Variants in GABRB3 observed in about 807,000 individuals in gnomAD.
GABRB3 encodes gamma-aminobutyric acid type A receptor subunit beta3.
In GABRB3, 14 loss-of-function variants were observed where a neutral mutation model predicts 52.1. The ratio of observed to expected loss-of-function variants is 0.27; its 90% CI spans 0.18 to 0.42. The LOEUF is 0.42. GABRB3 is among the 10% of genes least tolerant of loss of function. The probability of loss-of-function intolerance (pLI) is 1.00; values close to 1 mark genes in which losing one functional copy is unlikely to be tolerated. For missense variants in GABRB3, 307 were observed against 609.1 expected (o/e 0.50, Z 5.22); for synonymous variants, 260 against 232.3 (o/e 1.12, Z -1.08).
chr15:26,551,995 G>C (rs2093291596), intron 8 of GABRB3, among the ~76,000 whole-genome samples: 1 of 151,832 alleles, frequency 6.6e-6, no homozygotes, highest in Admixed American at 6.6e-5. Context: ...GTCAGACCTT[G>C]GTGAAATTTT....
rs1424458569 is a variant in GABRB3, at chr15:26,554,176, GTATATATATATATACTA to G, written c.1081-6059_1081-6043del. ...TATATATAAAGTATATATATATAAAGTATATATATATATACTATATATATATATATATAGTAGAAACA... is the reference window on the plus strand; with the variant it reads ...TATATATAAAGTATATATATATAAAGTATATATATATATATAGTAGAAACA... On this transcript the variant is annotated intron_variant, in intron 8 of 8. Transcript: ENST00000311550. Among the ~76,000 whole-genome samples the G allele has an allele frequency of 1.5e-4, 4 of 27,344 alleles. 1 individual carries two copies. In the East Asian group the frequency reaches 2.9e-3, roughly 20 times the overall value. 17.9% of individuals were successfully genotyped at this position (27,344 alleles called of 152,430 possible). A position where few individuals can be genotyped will look rare whatever the true frequency, so the allele number is the denominator to read the frequency against.
At chr15:26,696,474 T>G (rs1040430492) in intron 3 of GABRB3, among the ~76,000 whole-genome samples, 7 of 152,194 alleles carry the variant, frequency 4.6e-5, no homozygotes, top group Non-Finnish European at 1.0e-4. Context: ...CTTTGGGACC[T>G]GCAATCTTAC....
intron 8 of GABRB3, among the ~76,000 whole-genome samples, chr15:26,550,348 T>C (rs187920974): frequency 6.6e-6 from 1 of 152,076 alleles, no homozygotes; most frequent in African/African-American, 2.4e-5. Context: ...TGAATAGACA[T>C]GTCTTAAAGG....
At chr15:26,733,683 A>G (rs1001405591) in intron 3 of GABRB3, among the ~76,000 whole-genome samples, 1 of 152,224 alleles carries the variant, frequency 6.6e-6, no homozygotes, top group Non-Finnish European at 1.5e-5. Context: ...ATTTTGAAAA[A>G]GAACAAAGCT....
intron 3 of GABRB3, among the ~76,000 whole-genome samples, chr15:26,684,337 C>G: frequency 6.6e-6 from 1 of 151,996 alleles, no homozygotes; most frequent in African/African-American, 2.4e-5. Flanking sequence ...GGCAGGGACG[C>G]GGAAATGCAG....
chr15:26,701,003 C>T (rs925824861), intron 3 of GABRB3, among the ~76,000 whole-genome samples: 9 of 151,800 alleles, frequency 5.9e-5, no homozygotes, highest in African/African-American at 2.2e-4. Flanking sequence ...TGCAGTGAGC[C>T]GAGATCGCAC....
intron 3 of GABRB3, among the ~76,000 whole-genome samples, chr15:26,692,295 A>G (rs556806573): frequency 6.6e-6 from 1 of 152,222 alleles, no homozygotes; most frequent in East Asian, 1.9e-4. Flanking sequence ...CTTTAACATT[A>G]CAACAGAAAT....
chr15:26,681,397 C>T (rs1003236889), intron 3 of GABRB3, among the ~76,000 whole-genome samples: 2 of 152,262 alleles, frequency 1.3e-5, no homozygotes, highest in Admixed American at 6.5e-5. Flanking sequence ...AAAGGGGATA[C>T]TGTCAGAACC....
rs182971316 is a variant in GABRB3 at position 26,554,207 on chromosome 15, A to T, written c.1081-6073T>A. The stretch of plus-strand genomic sequence containing the variant: ...ATATATATACTATATATATATATAT[A>T]TAGTAGAAACAAGGTCTCTCTTTGT... On this transcript the variant is annotated intron_variant, in intron 8 of 8. Coordinates refer to ENST00000311550, the MANE Select transcript of GABRB3 (RefSeq NM_000814.6). Among the ~76,000 whole-genome samples, 249 of 57,784 alleles carry T rather than the reference A, an allele frequency of 4.3e-3. 21 individuals are homozygous for T. Among genetic ancestry groups the T allele is most frequent in the East Asian group, 0.018 (52 of 2,944 alleles). 37.9% of individuals were successfully genotyped at this position (57,784 alleles called of 152,430 possible).
intron 3 of GABRB3, among the ~76,000 whole-genome samples, chr15:26,685,780 A>T (rs1888383264): frequency 6.6e-6 from 1 of 150,598 alleles, no homozygotes; most frequent in Non-Finnish European, 1.5e-5. Flanking sequence ...TATTGGACTG[A>T]TCTCAGTAGT....
At chr15:26,606,805 T>TATAGATAGATAG (rs59223052) in intron 4 of GABRB3, among the ~76,000 whole-genome samples, 1,240 of 118,036 alleles carry the variant, frequency 0.011, 28 homozygotes, top group African/African-American at 0.031. Flanking sequence ...TAGATATATC[T>TATAGATAGATAG]ATAGATAGAT....
intron 6 of GABRB3, among the ~76,000 whole-genome samples, chr15:26,574,458 T>C (rs1184466225): frequency 6.6e-6 from 1 of 152,210 alleles, no homozygotes. Flanking sequence ...CTAAAACTTA[T>C]ACCTGAATGT....
chr15:26,677,782 G>A (rs1313051580), intron 3 of GABRB3, among the ~76,000 whole-genome samples: 1 of 152,154 alleles, frequency 6.6e-6, no homozygotes, highest in African/African-American at 2.4e-5. Context: ...TTGGGCTCCT[G>A]TTTTGTTCAT....
intron 5 of GABRB3, among the ~76,000 whole-genome samples, chr15:26,581,415 C>A (rs1176708706): frequency 1.3e-5 from 2 of 152,180 alleles, no homozygotes; most frequent in Non-Finnish European, 2.9e-5. Flanking sequence ...CTTCCTGGTC[C>A]TACCTACTCT....
At chr15:26,768,882 G>C (rs1318567978) in intron 3 of GABRB3, among the ~76,000 whole-genome samples, 1 of 152,026 alleles carries the variant, frequency 6.6e-6, no homozygotes, top group East Asian at 1.9e-4. Context: ...CACTATCCAT[G>C]AAGCAAGCTA....
intron 3 of GABRB3, among the ~76,000 whole-genome samples, chr15:26,754,024 A>G (rs907386093): frequency 6.6e-6 from 1 of 152,186 alleles, no homozygotes; most frequent in Non-Finnish European, 1.5e-5. Context: ...GTCATCAGAG[A>G]CCATTTTCTC....
At position 26,606,805 on chromosome 15, in the gene GABRB3, TATAGATAGATAGATAGATAG is replaced by T. The variant is rs59223052; in HGVS notation, c.461+14489_461+14508del. ...AGATATATCTATAGATAGATATATC[TATAGATAGATAGATAGATAG>T]ATAGATAGATAGATAGATATGGTTA... is the stretch of plus-strand genomic sequence containing the variant. On this transcript the variant is annotated intron_variant, in intron 4 of 8. Transcript: ENST00000311550. Among the ~76,000 whole-genome samples the T allele has an allele frequency of 1.1e-4, 13 of 118,050 alleles. 1 individual carries two copies. Among genetic ancestry groups the T allele is most frequent in the East Asian group, 1.0e-3 (5 of 4,826 alleles). The allele number at this position is 118,050 out of a possible 152,430, so 77.4% of individuals were successfully genotyped here. A position where few individuals can be genotyped will look rare whatever the true frequency, so the allele number is the denominator to read the frequency against.
At chr15:26,749,847 A>T (rs1457031443) in intron 3 of GABRB3, 1 of 152,196 alleles carries the variant, frequency 6.6e-6, no homozygotes, top group Non-Finnish European at 1.5e-5. Context: ...CATGAAAGGC[A>T]AAAAGAAAAC....
At chr15:26,746,568 T>G (rs1368404304) in intron 3 of GABRB3, among the ~76,000 whole-genome samples, 2 of 149,900 alleles carry the variant, frequency 1.3e-5, no homozygotes, top group South Asian at 2.1e-4. Context: ...ATTTTACATT[T>G]AAGTCCGTTT....
Sources: allele counts gnomAD v4.1 joint callset (sites outside exome capture counted in the v4.1 genomes callset), GRCh38; gene constraint gnomAD v4.1.1; transcripts MANE v1.5; gene names NCBI Gene and HGNC (gene_info 2026-07-23, HGNC 2026-07-21).